The following ALCAM variants were observed in gnomAD, a reference collection of about 807,000 sequenced individuals.
The protein encoded by ALCAM is activated leukocyte cell adhesion molecule, also known as CD166 antigen.
A neutral mutation model predicts 70.9 loss-of-function variants in ALCAM; 30 were observed. That is an observed-to-expected ratio of 0.42 (90% CI 0.32 to 0.57). The LOEUF (loss-of-function observed/expected upper bound fraction) is 0.57, where lower values mean the gene tolerates loss of function less well. Ranked by LOEUF, ALCAM falls within the 20% of genes least tolerant of loss-of-function variation. The pLI, the probability that ALCAM is intolerant of heterozygous loss-of-function variation, is 0.11. For missense variants in ALCAM, 591 were observed against 695.1 expected (o/e 0.85, Z 1.68); for synonymous variants, 249 against 242.5 (o/e 1.03, Z -0.25).
At chr3:105,401,023 A>G (rs985408366) in intron 1 of ALCAM, among the ~76,000 whole-genome samples, 1 of 152,228 alleles carries the variant, frequency 6.6e-6, no homozygotes, top group African/African-American at 2.4e-5. Flanking sequence ...AAGAAAAGCA[A>G]AACTGTATTA....
chr3:105,418,159 A>G (rs938301201), intron 1 of ALCAM, among the ~76,000 whole-genome samples: 1 of 151,862 alleles, frequency 6.6e-6, no homozygotes, highest in Non-Finnish European at 1.5e-5. Context: ...TTCACCAAGT[A>G]TAAGCTCTAA....
intron 1 of ALCAM, among the ~76,000 whole-genome samples, chr3:105,368,265 A>AGAGAG (rs1553716633): frequency 0.019 from 497 of 25,860 alleles, 7 homozygotes; most frequent in Admixed American, 0.04. Flanking sequence ...GAGAGAGAGA[A>AGAGAG]AAGGCAAAAT....
chr3:105,536,422 T>C (rs1939972454), intron 6 of ALCAM, among the ~76,000 whole-genome samples: 1 of 152,074 alleles, frequency 6.6e-6, no homozygotes. Flanking sequence ...AAATATTCAA[T>C]TGGAAATAAA....
Position 105,541,748 on chromosome 3 carries a change from C to T in ALCAM, c.974C>T (p.Thr325Ile). The T allele has an allele frequency of 1.2e-6, 2 of 1,612,220 alleles. No individual in the cohort carries two copies. Among genetic ancestry groups the T allele is most frequent in the Non-Finnish European group, 1.7e-6 (2 of 1,178,756 alleles). Reference sequence around the variant, plus strand: ...GACAAAAAAAGCATGATTGCTTCAACAGCTATCACAGTTCACTGTAAGTCA... The same window carrying T: ...GACAAAAAAAGCATGATTGCTTCAATAGCTATCACAGTTCACTGTAAGTCA... ...LIDKKSMIAS[T>I]AITVHYLDLS... is the part of the protein sequence containing the mutation. Residue 325 changes from threonine to isoleucine, a missense_variant, in exon 8 of 16, where the codon ACA becomes ATA. By Grantham distance (89) the Thr-to-Ile change is moderately conservative (BLOSUM62 -1). Transcript: ENST00000306107.
At chr3:105,425,820 T>C (rs1440073402) in intron 1 of ALCAM, among the ~76,000 whole-genome samples, 1 of 151,432 alleles carries the variant, frequency 6.6e-6, no homozygotes, top group East Asian at 2.0e-4. Flanking sequence ...ATCAATCACA[T>C]GATCATTAAA....
chr3:105,539,548 T>TA (rs1430708884), intron 6 of ALCAM, among the ~76,000 whole-genome samples: 1 of 152,096 alleles, frequency 6.6e-6, no homozygotes, highest in Non-Finnish European at 1.5e-5. Flanking sequence ...TATGAAGTAT[T>TA]ATCATGCAAT....
intron 4 of ALCAM, among the ~76,000 whole-genome samples, chr3:105,532,569 A>T (rs541245616): frequency 6.6e-6 from 1 of 152,182 alleles, no homozygotes; most frequent in Non-Finnish European, 1.5e-5. Flanking sequence ...TGTTTGCACC[A>T]TTGCATTCCA....
rs572963017 is a variant in ALCAM, at chr3:105,425,793, T to C, written c.73+58312T>C. Among the ~76,000 whole-genome samples the C allele has an allele frequency of 2.6e-5, 4 of 151,264 alleles. No individual in the cohort carries two copies. In the South Asian group the frequency reaches 8.3e-4, roughly 31 times the overall value. ...TTTTTTTACTTTAAAGTGGAGTAGA[T>C]TCTGTAGAGTTGGGGTATCAATCAC... On this transcript the variant is annotated intron_variant, in intron 1 of 15. Coordinates refer to ENST00000306107, the MANE Select transcript of ALCAM (RefSeq NM_001627.4).
intron 14 of ALCAM, among the ~76,000 whole-genome samples, chr3:105,571,419 G>A (rs917842618): frequency 3.9e-5 from 6 of 152,166 alleles, no homozygotes; most frequent in African/African-American, 1.4e-4. Context: ...GACATAGGGT[G>A]TTAGCTCAAC....
At chr3:105,464,419 C>T (rs545889118) in intron 1 of ALCAM, among the ~76,000 whole-genome samples, 1 of 151,080 alleles carries the variant, frequency 6.6e-6, no homozygotes, top group African/African-American at 2.4e-5. Context: ...CTCTTAGTTA[C>T]TCAAGGTAGG....
chr3:105,442,265 A>G (rs755530178), intron 1 of ALCAM, among the ~76,000 whole-genome samples: 1 of 152,160 alleles, frequency 6.6e-6, no homozygotes. Flanking sequence ...GGGCCCTGTT[A>G]CCTTTTAAAC....
intron 1 of ALCAM, among the ~76,000 whole-genome samples, chr3:105,458,694 T>A (rs1937565168): frequency 6.6e-6 from 1 of 152,170 alleles, no homozygotes; most frequent in African/African-American, 2.4e-5. Flanking sequence ...TATGAGATGG[T>A]TAAGGTGGAT....
intron 1 of ALCAM, among the ~76,000 whole-genome samples, chr3:105,496,230 A>T (rs539419929): frequency 6.6e-6 from 1 of 152,276 alleles, no homozygotes; most frequent in South Asian, 2.1e-4. Flanking sequence ...AATTAGGCGA[A>T]TAATTTTATA....
intron 1 of ALCAM, among the ~76,000 whole-genome samples, chr3:105,419,046 A>C (rs1282604946): frequency 6.6e-6 from 1 of 151,760 alleles, no homozygotes. Flanking sequence ...ATACAACTGC[A>C]TCTATGGGGT....
At chr3:105,437,531 G>A (rs1937076224) in intron 1 of ALCAM, among the ~76,000 whole-genome samples, 1 of 151,998 alleles carries the variant, frequency 6.6e-6, no homozygotes, top group Admixed American at 6.6e-5. Flanking sequence ...AATGCATAAA[G>A]ATATTCTGAT....
chr3:105,515,053 A>G (rs956480207), intron 1 of ALCAM, among the ~76,000 whole-genome samples: 16 of 151,528 alleles, frequency 1.1e-4, no homozygotes, highest in Non-Finnish European at 4.4e-5. Context: ...TTTGTATCTC[A>G]CACACACACA....
intron 1 of ALCAM, among the ~76,000 whole-genome samples, chr3:105,476,689 C>A (rs565671102): frequency 4.9e-4 from 74 of 152,220 alleles, no homozygotes; most frequent in Non-Finnish European, 7.9e-4. Flanking sequence ...AGTGGCATAT[C>A]CACCTTTGGT....
At chr3:105,448,170 T>G (rs1937341313) in intron 1 of ALCAM, among the ~76,000 whole-genome samples, 1 of 152,222 alleles carries the variant, frequency 6.6e-6, no homozygotes, top group Admixed American at 6.5e-5. Flanking sequence ...AGAGAAGTCC[T>G]GAAATCATTT....
intron 1 of ALCAM, among the ~76,000 whole-genome samples, chr3:105,428,454 T>G (rs1014641950): frequency 1.3e-5 from 2 of 151,854 alleles, no homozygotes; most frequent in Non-Finnish European, 2.9e-5. Flanking sequence ...AGAGATTGAG[T>G]ACTCCGTATT....
Sources: gnomAD v4.1 joint callset for allele counts (sites outside exome capture counted in the v4.1 genomes callset) on GRCh38, gnomAD v4.1.1 for gene constraint, MANE v1.5 for transcripts, NCBI Gene and HGNC (gene_info 2026-07-23, HGNC 2026-07-21) for gene names.